ROBO2: variants seen among roughly 807,000 people sequenced by gnomAD.
The protein encoded by ROBO2 is roundabout homolog 2.
Under a neutral mutation model 160.8 loss-of-function variants are expected in ROBO2, and 53 were observed. The ratio of observed to expected loss-of-function variants is 0.33; its 90% confidence interval spans 0.26 to 0.41. The LOEUF (loss-of-function observed/expected upper bound fraction) is 0.41. Ranked by LOEUF, ROBO2 falls within the 10% of genes least tolerant of loss-of-function variation. The pLI is 1.00. For synonymous variants in ROBO2, 664 were observed against 611.7 expected (o/e 1.09, Z -1.26); for missense variants, 1,577 against 1,722.4 (o/e 0.92, Z 1.49).
At position 76,258,935 on chromosome 3, in the gene ROBO2, A is replaced by G. The variant is rs979363035; in HGVS notation, c.109+321333A>G. Among the ~76,000 whole-genome samples the G allele has an allele frequency of 2.0e-5, 3 of 152,052 alleles. No individual in the cohort carries two copies. In the South Asian group the frequency reaches 6.2e-4, roughly 31 times the overall value. On this transcript the variant is annotated intron_variant, in intron 2 of 26. Coordinates refer to the ROBO2 transcript ENST00000487694. ...CTATTGTTTCCTTTATTTTGGAGAG[A>G]AAAGTCATCACATTTTATCAACTTT... is the stretch of plus-strand genomic sequence containing the variant.
At chr3:76,283,510 CAT>C (rs753090433) in intron 2 of ROBO2, among the ~76,000 whole-genome samples, 4 of 151,974 alleles carry the variant, frequency 2.6e-5, no homozygotes, top group Admixed American at 6.6e-5. Flanking sequence ...AATCTTAAAA[CAT>C]GTGTATTTAC....
chr3:76,277,090 C>A (rs1353354536), intron 2 of ROBO2, among the ~76,000 whole-genome samples: 1 of 152,006 alleles, frequency 6.6e-6, no homozygotes, highest in East Asian at 1.9e-4. Context: ...CTCAACCACC[C>A]ATGTGGACAA....
rs1553882909 is a variant in ROBO2, at chr3:77,277,173, T to TTTCTTTCTTTC, written c.388+178836_388+178846dup. Among the ~76,000 whole-genome samples the TTTCTTTCTTTC allele has an allele frequency of 2.1e-3, 200 of 96,940 alleles. 2 individuals are homozygous for TTTCTTTCTTTC. The highest frequency in any genetic ancestry group is 7.3e-3 in the African/African-American group (151 of 20,644). 63.6% of individuals were successfully genotyped at this position (96,940 alleles called of 152,430 possible). A position where few individuals can be genotyped will look rare whatever the true frequency, so the allele number is the denominator to read the frequency against. ...CCTTCTTTCCTTCTTTCTTTCTTTCTTTCTTTCTTTCTTTCTTTCTTTCTT... is the reference window on the plus strand; with the variant it reads ...CCTTCTTTCCTTCTTTCTTTCTTTCTTTCTTTCTTTCTTCTTTCTTTCTTTCTTTCTTTCTT... On this transcript the variant is annotated intron_variant, in intron 2 of 25. Transcript: ENST00000461745.
At chr3:76,524,850 A>T (rs1212368284) in intron 2 of ROBO2, among the ~76,000 whole-genome samples, 1 of 146,074 alleles carries the variant, frequency 6.8e-6, no homozygotes, top group Non-Finnish European at 1.5e-5. Context: ...AAAAAAAAAA[A>T]AAAAAAAAAA....
intron 2 of ROBO2, among the ~76,000 whole-genome samples, chr3:77,438,770 G>A (rs1002566071): frequency 2.0e-5 from 3 of 152,020 alleles, no homozygotes; most frequent in African/African-American, 7.2e-5. Context: ...ACAGGGTGTT[G>A]CTTCCAGATC....
At chr3:77,265,617 C>A (rs1421723154) in intron 2 of ROBO2, among the ~76,000 whole-genome samples, 1 of 152,064 alleles carries the variant, frequency 6.6e-6, no homozygotes, top group Non-Finnish European at 1.5e-5. Flanking sequence ...AGATATGATT[C>A]ATATCATACA....
At chr3:76,525,092 C>T (rs1385247534) in intron 2 of ROBO2, among the ~76,000 whole-genome samples, 1 of 151,564 alleles carries the variant, frequency 6.6e-6, no homozygotes, top group East Asian at 1.9e-4. Context: ...CTCTGTTAGA[C>T]TCTAAACCCC....
At chr3:76,352,767 T>C (rs2074953633) in intron 2 of ROBO2, among the ~76,000 whole-genome samples, 1 of 151,954 alleles carries the variant, frequency 6.6e-6, no homozygotes, top group Admixed American at 6.6e-5. Flanking sequence ...CCCATAAATA[T>C]CAAGTTATAA....
intron 2 of ROBO2, among the ~76,000 whole-genome samples, chr3:76,824,341 C>T (rs1288199867): frequency 1.3e-5 from 2 of 152,312 alleles, no homozygotes; most frequent in African/African-American, 2.4e-5. Flanking sequence ...AAGTGATCCA[C>T]CCACCTCAGC....
At chr3:77,515,845 G>T (rs1459511485) in intron 5 of ROBO2, among the ~76,000 whole-genome samples, 3 of 151,538 alleles carry the variant, frequency 2.0e-5, no homozygotes, top group African/African-American at 7.3e-5. Context: ...GGATAACAAA[G>T]AACTATTTTT....
chr3:77,567,453 A>G (rs541007954), intron 12 of ROBO2, among the ~76,000 whole-genome samples: 14 of 152,154 alleles, frequency 9.2e-5, no homozygotes, highest in Admixed American at 8.5e-4. Flanking sequence ...CCTATAATTT[A>G]TCCTTTTTTC....
chr3:76,500,172 G>T (rs1293425788), intron 2 of ROBO2, among the ~76,000 whole-genome samples: 3 of 152,120 alleles, frequency 2.0e-5, no homozygotes, highest in Non-Finnish European at 2.9e-5. Flanking sequence ...GGGTTGGAGT[G>T]CAATGACACA....
chr3:77,246,221 T>C (rs1343324441), intron 2 of ROBO2, among the ~76,000 whole-genome samples: 1 of 152,108 alleles, frequency 6.6e-6, no homozygotes, highest in Admixed American at 6.6e-5. Context: ...GTTTATACCT[T>C]CTTAGGCACA....
At chr3:76,996,260 G>T (rs1220592966) in intron 2 of ROBO2, among the ~76,000 whole-genome samples, 2 of 152,060 alleles carry the variant, frequency 1.3e-5, no homozygotes, top group South Asian at 2.1e-4. Context: ...TCAGATAGTT[G>T]TAGACATGTG....
chr3:77,379,814 T>G (rs2073197763), intron 2 of ROBO2, among the ~76,000 whole-genome samples: 1 of 152,144 alleles, frequency 6.6e-6, no homozygotes, highest in South Asian at 2.1e-4. Context: ...TTTCCTAGCC[T>G]TGGTGCTCCC....
chr3:77,015,779 A>T (rs2062201967), intron 2 of ROBO2, among the ~76,000 whole-genome samples: 1 of 152,156 alleles, frequency 6.6e-6, no homozygotes, highest in Non-Finnish European at 1.5e-5. Flanking sequence ...CCCCAGGCCC[A>T]CAATTTGAAG....
intron 2 of ROBO2, among the ~76,000 whole-genome samples, chr3:76,197,895 A>G (rs1023911917): frequency 6.6e-6 from 1 of 152,206 alleles, no homozygotes; most frequent in African/African-American, 2.4e-5. Flanking sequence ...TCCTCTGAGA[A>G]CAATATAAGT....
intron 4 of ROBO2, among the ~76,000 whole-genome samples, chr3:77,482,842 C>T (rs1202704833): frequency 1.3e-5 from 2 of 151,770 alleles, no homozygotes; most frequent in Admixed American, 6.6e-5. Flanking sequence ...TCTGTAACTA[C>T]CACAAACTCT....
intron 2 of ROBO2, among the ~76,000 whole-genome samples, chr3:77,304,537 C>T (rs1019167083): frequency 6.6e-6 from 1 of 152,028 alleles, no homozygotes; most frequent in African/African-American, 2.4e-5. Context: ...GGGCTGCCAG[C>T]GCACTCAACT....
Sources: allele counts gnomAD v4.1 joint callset (sites outside exome capture counted in the v4.1 genomes callset), GRCh38; gene constraint gnomAD v4.1.1; transcripts MANE v1.5; gene names NCBI Gene and HGNC (gene_info 2026-07-23, HGNC 2026-07-21).